Variants in GAPVD1 observed in about 807,000 individuals in gnomAD.
The protein encoded by GAPVD1 is GTPase activating protein and VPS9 domains 1.
A neutral mutation model predicts 155.5 loss-of-function variants in GAPVD1; 35 were observed. The ratio of observed to expected loss-of-function variants is 0.23; its 90% confidence interval spans 0.17 to 0.30. The LOEUF is 0.30. Among genes scored for constraint, GAPVD1 ranks in the 10% least tolerant of loss-of-function variants. The pLI, the probability that GAPVD1 is intolerant of heterozygous loss-of-function variation, is 1.00. For missense variants in GAPVD1, 1,429 were observed against 1,775.7 expected (o/e 0.80, Z 3.51); for synonymous variants, 636 against 619.7 (o/e 1.03, Z -0.39).
In GAPVD1 at chr9:125,365,172, A is replaced by G. The variant is rs553852264; in HGVS notation, c.*2426A>G. On this transcript the variant is annotated 3_prime_UTR_variant, in exon 28 of 28. Transcript: ENST00000297933. ...TGTGAAATGGGTTCGGGTGCTCATGACTCCATAGCTGGCGGAGGAGCACAG... is the reference window on the plus strand; with the variant it reads ...TGTGAAATGGGTTCGGGTGCTCATGGCTCCATAGCTGGCGGAGGAGCACAG... 1 of 152,146 alleles carries G rather than the reference A, an allele frequency of 6.6e-6. No individual in the cohort carries two copies. The highest frequency in any genetic ancestry group is 6.5e-5 in the Admixed American group (1 of 15,280). The allele number at this position is 152,146 out of a possible 1,614,324, so 9.4% of individuals were successfully genotyped here.
chr9:125,323,683 A>G (rs1312715888), intron 10 of GAPVD1, 115 bp from the exon 11 acceptor site: 1 of 988,918 alleles, frequency 1.0e-6, no homozygotes, highest in Non-Finnish European at 1.6e-6. Flanking sequence ...TTTAAGGTAT[A>G]AAAAGTATTA....
At chr9:125,333,587 C>G (rs1331400769) in intron 15 of GAPVD1, among the ~76,000 whole-genome samples, 4 of 147,660 alleles carry the variant, frequency 2.7e-5, no homozygotes, top group African/African-American at 1.0e-4. Context: ...CTCCCAGGTT[C>G]AAATGATTCT....
intron 9 of GAPVD1, among the ~76,000 whole-genome samples, chr9:125,315,196 T>C (rs1336212033): frequency 6.6e-6 from 1 of 152,150 alleles, no homozygotes; most frequent in Non-Finnish European, 1.5e-5. Context: ...GGTAAAGCTG[T>C]GTTTGGGACT....
chr9:125,274,651 C>T (rs748696749), intron 2 of GAPVD1, among the ~76,000 whole-genome samples: 8 of 151,948 alleles, frequency 5.3e-5, no homozygotes, highest in Non-Finnish European at 7.4e-5. Context: ...TTAGTAGAGA[C>T]GGGTTTCTCT....
At chr9:125,282,446 GCTTTTA>G (rs1234756487) in intron 2 of GAPVD1, among the ~76,000 whole-genome samples, 4 of 152,122 alleles carry the variant, frequency 2.6e-5, no homozygotes, top group Admixed American at 6.6e-5. Flanking sequence ...CTGATAGTCG[GCTTTTA>G]CTTTTACTTT....
chr9:125,318,042 T>TATATG (rs1843713547), intron 9 of GAPVD1, among the ~76,000 whole-genome samples: 1 of 152,198 alleles, frequency 6.6e-6, no homozygotes, highest in South Asian at 2.1e-4. Flanking sequence ...CACCCAGCAC[T>TATATG]TTGGGAGGCC....
chr9:125,301,451 TTTC>T lies in GAPVD1; in HGVS notation c.186-529_186-527del, dbSNP rs376701479. 1.2e-4 allele frequency among the ~76,000 whole-genome samples: 18 copies of T among 152,094 alleles called. 1 individual carries two copies. In the South Asian group the frequency reaches 3.1e-3, roughly 26 times the overall value. Reference sequence around the variant, plus strand: ...ACAAACTGATAATTTTCTTTCTTTCTTTCTTTTTTTTTTTCCAGACAGAGTCTT... The same window carrying T: ...ACAAACTGATAATTTTCTTTCTTTCTTTTTTTTTTTTCCAGACAGAGTCTT... On this transcript the variant is annotated intron_variant, in intron 4 of 27. Coordinates refer to ENST00000297933, the MANE Select transcript of GAPVD1 (RefSeq NM_001282680.3).
chr9:125,300,938 A>T (rs1448724605), intron 4 of GAPVD1, among the ~76,000 whole-genome samples: 1 of 152,208 alleles, frequency 6.6e-6, no homozygotes, highest in Non-Finnish European at 1.5e-5. Context: ...GCAGGTCATT[A>T]CATACTGGCA....
rs769870989 is a variant in GAPVD1, at chr9:125,302,820, G to T, written c.1023G>T (p.Leu341=). The T allele has an allele frequency of 1.9e-6, 3 of 1,593,144 alleles. No homozygotes were observed. The South Asian group carries it at 3.4e-5, about 18-fold the overall frequency. ...APINEVARFN[L]MQVGRLLQQL... ...TTAATGAAGTAGCACGATTTAATCT[G>T]ATGCAGGTATGCTTTTGCTATTATT... Residue 341 remains leucine, a synonymous_variant, in exon 5 of 28, where the codon CTG becomes CTT. Transcript: ENST00000297933.
intron 4 of GAPVD1, among the ~76,000 whole-genome samples, chr9:125,299,854 A>G (rs1840483778): frequency 6.9e-6 from 1 of 144,822 alleles, no homozygotes. Flanking sequence ...CCCCATCTCT[A>G]CTAAAAATAC....
chr9:125,313,921 C>A (rs1474117744), intron 9 of GAPVD1, among the ~76,000 whole-genome samples: 1 of 152,160 alleles, frequency 6.6e-6, no homozygotes, highest in African/African-American at 2.4e-5. Context: ...ATGCTTAATT[C>A]TTTGTTATCT....
In GAPVD1 at chr9:125,299,064, C is replaced by T. The variant is rs1311023091; in HGVS notation, c.143C>T (p.Ala48Val). 3 of 1,603,400 alleles carry T rather than the reference C, an allele frequency of 1.9e-6. No individual in the cohort carries two copies. Among genetic ancestry groups the T allele is most frequent in the Non-Finnish European group, 2.6e-6 (3 of 1,175,632 alleles). Residue 48 changes from alanine (A) to valine (V), a missense_variant, in exon 4 of 28, where the codon GCG (alanine) becomes GTG (valine). Coordinates refer to ENST00000297933, the MANE Select transcript of GAPVD1 (RefSeq NM_001282680.3). ...AAGTTGTATCGTACAGCATGGATTGCGAAGCAACAGAGAATCAATTTGGAT... is the reference window on the plus strand; with the variant it reads ...AAGTTGTATCGTACAGCATGGATTGTGAAGCAACAGAGAATCAATTTGGAT... ...AEKLYRTAWI[A>V]KQQRINLDRL...
chr9:125,352,041 A>G (rs1200842224), intron 23 of GAPVD1, among the ~76,000 whole-genome samples: 2 of 152,012 alleles, frequency 1.3e-5, no homozygotes, highest in African/African-American at 4.8e-5. Context: ...ACACCCAGCC[A>G]GGGTTCCCAT....
At chr9:125,284,604 C>T (rs921181165) in intron 2 of GAPVD1, among the ~76,000 whole-genome samples, 1 of 152,028 alleles carries the variant, frequency 6.6e-6, no homozygotes, top group African/African-American at 2.4e-5. Context: ...AGACACCACA[C>T]CTCTGGCCTC....
rs752692872 is a variant in GAPVD1 at position 125,342,276 on chromosome 9, C to G, written c.3023C>G (p.Pro1008Arg). Residue 1008 changes from proline to arginine, a missense_variant, in exon 19 of 28, where the codon CCT becomes CGT. Transcript: ENST00000297933. ...KQEKDKDDLG[P>R]DRFSTLTDDP... ...GAAAAAGACAAAGATGATCTGGGGC[C>G]TGACAGATTCTCAACACTCACAGGT... 6.3e-7 allele frequency: 1 copy of G among 1,593,364 alleles called. No individual in the cohort carries two copies. Among genetic ancestry groups the G allele is most frequent in the Non-Finnish European group, 8.6e-7 (1 of 1,161,156 alleles).
chr9:125,266,604 C>T (rs10986675), intron 1 of GAPVD1, among the ~76,000 whole-genome samples: 12,610 of 151,696 alleles, frequency 0.083, 705 homozygotes, highest in East Asian at 0.17. Flanking sequence ...TGAGCCACCG[C>T]GCGCAGCCCG....
chr9:125,332,427 T>A, intron 14 of GAPVD1, 83 bp from the exon 15 acceptor site: 2 of 1,147,272 alleles, frequency 1.7e-6, no homozygotes, highest in Middle Eastern at 2.5e-4. Context: ...TCGAGAATGT[T>A]TCAGTTTCTC....
intron 1 of GAPVD1, chr9:125,263,973 C>T: frequency 5.0e-6 from 7 of 1,396,662 alleles, no homozygotes; most frequent in African/African-American, 1.4e-5. Context: ...GCCTTCATGA[C>T]ATGAAGGTTG....
chr9:125,356,235 G>A (rs1188180307), intron 25 of GAPVD1, among the ~76,000 whole-genome samples: 1 of 152,076 alleles, frequency 6.6e-6, no homozygotes, highest in South Asian at 2.1e-4. Flanking sequence ...CTCAGGCCTC[G>A]GTGCCTTTCT....
Sources: gnomAD v4.1 joint callset for allele counts (sites outside exome capture counted in the v4.1 genomes callset) on GRCh38, gnomAD v4.1.1 for gene constraint, MANE v1.5 for transcripts, NCBI Gene and HGNC (gene_info 2026-07-23, HGNC 2026-07-21) for gene names.